Variants in CNTNAP5 observed in about 807,000 individuals in gnomAD.
CNTNAP5 encodes the protein contactin associated protein family member 5, also known as contactin-associated protein-like 5.
Under a neutral mutation model 150.2 loss-of-function variants are expected in CNTNAP5, and 72 were observed. The observed-to-expected ratio is 0.48, with a 90% CI of 0.40 to 0.58. CNTNAP5 has a LOEUF of 0.58. Among genes scored for constraint, CNTNAP5 ranks in the 20% least tolerant of loss-of-function variants. CNTNAP5 has a pLI of 0.00. For synonymous variants in CNTNAP5, 672 were observed against 619.8 expected, an observed-to-expected ratio of 1.08 and a Z score of -1.25; for missense variants, 1,636 against 1,626.2, an observed-to-expected ratio of 1.01 and a Z score of -0.10.
At chr2:124,805,260 C>G (rs1682057608) in intron 19 of CNTNAP5, among the ~76,000 whole-genome samples, 1 of 152,120 alleles carries the variant, frequency 6.6e-6, no homozygotes, top group African/African-American at 2.4e-5. Context: ...TCAATTGCCC[C>G]CTGACACAGA....
chr2:124,520,223 A>G (rs1466880817), intron 8 of CNTNAP5, among the ~76,000 whole-genome samples: 1 of 152,326 alleles, frequency 6.6e-6, no homozygotes, highest in African/African-American at 2.4e-5. Flanking sequence ...TATATACCAT[A>G]TTAGGAATAA....
chr2:124,159,484 G>A (rs72845542), intron 1 of CNTNAP5, among the ~76,000 whole-genome samples: 12,914 of 152,182 alleles, frequency 0.085, 779 homozygotes, highest in East Asian at 0.34. Flanking sequence ...TGGCCTGTGG[G>A]TCATAGCTTG....
chr2:124,646,111 T>C (rs1573519564), intron 12 of CNTNAP5, among the ~76,000 whole-genome samples: 1 of 152,330 alleles, frequency 6.6e-6, no homozygotes, highest in Non-Finnish European at 1.5e-5. Context: ...AGAAGTATTT[T>C]CTTTTATAGA....
At chr2:124,896,590 G>A (rs1382864069) in intron 21 of CNTNAP5, among the ~76,000 whole-genome samples, 1 of 151,312 alleles carries the variant, frequency 6.6e-6, no homozygotes. Context: ...CCAGGCTGGA[G>A]TGCAGTGGCC....
At chr2:124,286,245 T>C (rs1005418977) in intron 3 of CNTNAP5, among the ~76,000 whole-genome samples, 4 of 152,152 alleles carry the variant, frequency 2.6e-5, no homozygotes, top group African/African-American at 9.7e-5. Flanking sequence ...GGCCTTTCCC[T>C]TGGGAATGCC....
At chr2:124,715,316 G>T (rs568664796) in intron 13 of CNTNAP5, among the ~76,000 whole-genome samples, 1 of 152,230 alleles carries the variant, frequency 6.6e-6, no homozygotes, top group South Asian at 2.1e-4. Flanking sequence ...CCATTTGACG[G>T]CTTAGAGTCA....
intron 10 of CNTNAP5, among the ~76,000 whole-genome samples, chr2:124,532,603 G>A (rs1160515843): frequency 6.6e-6 from 1 of 152,212 alleles, no homozygotes; most frequent in Non-Finnish European, 1.5e-5. Flanking sequence ...GTGGGGAGAA[G>A]CAGAGGCCAT....
chr2:124,909,824 GACAT>G (rs1386412169), intron 22 of CNTNAP5, among the ~76,000 whole-genome samples: 665 of 29,200 alleles, frequency 0.023, 14 homozygotes, highest in Middle Eastern at 0.12. Context: ...ATCAATTGGT[GACAT>G]ATATATATAT....
chr2:124,901,231 A>G lies in CNTNAP5; in HGVS notation c.3437-1651A>G, dbSNP rs542878433. On this transcript the variant is annotated intron_variant, in intron 21 of 23. Transcript: ENST00000682447. ...TTGTAGACAGAATTATAGAGCACAAAGATGTCTGTGTCCTAATCCTCAGAA... is the reference window on the plus strand; with the variant it reads ...TTGTAGACAGAATTATAGAGCACAAGGATGTCTGTGTCCTAATCCTCAGAA... Among the ~76,000 whole-genome samples the G allele has an allele frequency of 4.0e-5, 6 of 151,694 alleles. No homozygotes were observed. The East Asian group carries it at 1.2e-3, about 29-fold the overall frequency.
At chr2:124,160,760 C>A (rs977510239) in intron 1 of CNTNAP5, among the ~76,000 whole-genome samples, 11 of 151,996 alleles carry the variant, frequency 7.2e-5, no homozygotes, top group African/African-American at 2.7e-4. Context: ...ACAAGCAAAC[C>A]CTGTGTTAAA....
intron 3 of CNTNAP5, among the ~76,000 whole-genome samples, chr2:124,263,185 A>C (rs1211716908): frequency 1.3e-5 from 2 of 152,210 alleles, no homozygotes; most frequent in Non-Finnish European, 2.9e-5. Flanking sequence ...TGGCTGGGTC[A>C]AACGGTATTT....
At chr2:124,284,484 C>A (rs2104626589) in intron 3 of CNTNAP5, among the ~76,000 whole-genome samples, 1 of 152,174 alleles carries the variant, frequency 6.6e-6, no homozygotes, top group Middle Eastern at 3.4e-3. Context: ...GGGAGAGCAT[C>A]AGGATAAATA....
chr2:124,542,891 A>T (rs1003959358), intron 10 of CNTNAP5, among the ~76,000 whole-genome samples: 1 of 152,212 alleles, frequency 6.6e-6, no homozygotes. Flanking sequence ...TGAAGCTAAC[A>T]AAACTCAACA....
chr2:124,326,513 T>C (rs1689222053), intron 3 of CNTNAP5, among the ~76,000 whole-genome samples: 1 of 152,172 alleles, frequency 6.6e-6, no homozygotes, highest in Non-Finnish European at 1.5e-5. Flanking sequence ...AGTAAGTTTA[T>C]TAAAGCAGCT....
At chr2:124,870,775 C>T (rs1015930779) in intron 21 of CNTNAP5, among the ~76,000 whole-genome samples, 3 of 152,168 alleles carry the variant, frequency 2.0e-5, no homozygotes, top group Non-Finnish European at 2.9e-5. Flanking sequence ...CCTCGTGCCC[C>T]ATACTGTATG....
At chr2:124,460,215 C>G (rs1246368816) in intron 6 of CNTNAP5, among the ~76,000 whole-genome samples, 1 of 152,044 alleles carries the variant, frequency 6.6e-6, no homozygotes, top group African/African-American at 2.4e-5. Context: ...TGAAAGGATA[C>G]TAAAGCAAGA....
chr2:124,318,684 A>G (rs1326952471), intron 3 of CNTNAP5, among the ~76,000 whole-genome samples: 1 of 152,130 alleles, frequency 6.6e-6, no homozygotes, highest in African/African-American at 2.4e-5. Context: ...GGGGCAGAAT[A>G]TTTTGCAATA....
At chr2:124,650,445 C>T (rs574760045) in intron 13 of CNTNAP5, among the ~76,000 whole-genome samples, 1 of 152,300 alleles carries the variant, frequency 6.6e-6, no homozygotes, top group Non-Finnish European at 1.5e-5. Flanking sequence ...CAATATATAA[C>T]ATTTGTAGCC....
chr2:124,523,359 TG>T (rs1694892540), intron 8 of CNTNAP5, among the ~76,000 whole-genome samples: 2 of 152,220 alleles, frequency 1.3e-5, no homozygotes, highest in African/African-American at 2.4e-5. Flanking sequence ...ATTGTGTGGC[TG>T]TGTGCTCTTG....
Sources: gnomAD v4.1 joint callset for allele counts (sites outside exome capture counted in the v4.1 genomes callset) on GRCh38, gnomAD v4.1.1 for gene constraint, MANE v1.5 for transcripts, NCBI Gene and HGNC (gene_info 2026-07-23, HGNC 2026-07-21) for gene names.